BMPR1B: variants seen among roughly 807,000 people sequenced by gnomAD.
BMPR1B encodes the protein bone morphogenetic protein receptor type 1B.
In BMPR1B, 12 loss-of-function variants were observed where a neutral mutation model predicts 59.1. That is an observed-to-expected ratio of 0.20 (90% confidence interval 0.13 to 0.33). The LOEUF is 0.33. BMPR1B is among the 10% of genes least tolerant of loss of function. The pLI, the probability that BMPR1B is intolerant of heterozygous loss-of-function variation, is 1.00. For synonymous variants in BMPR1B, 237 were observed against 207.3 expected (o/e 1.14, Z -1.23); for missense variants, 550 against 610.9 (o/e 0.90, Z 1.05).
At chr4:94,834,683 C>A (rs1272458340) in intron 1 of BMPR1B, among the ~76,000 whole-genome samples, 2 of 150,906 alleles carry the variant, frequency 1.3e-5, no homozygotes, top group Non-Finnish European at 3.0e-5. Flanking sequence ...ACCAATAAAA[C>A]GGTTCACCAG....
intron 2 of BMPR1B, among the ~76,000 whole-genome samples, chr4:94,952,942 C>T (rs1730004143): frequency 1.3e-5 from 2 of 152,288 alleles, no homozygotes; most frequent in South Asian, 4.1e-4. Context: ...TCTGGGTGCT[C>T]CTGTATTGGG....
At chr4:94,819,024 T>C (rs1267857542) in intron 1 of BMPR1B, among the ~76,000 whole-genome samples, 1 of 152,030 alleles carries the variant, frequency 6.6e-6, no homozygotes, top group Admixed American at 6.6e-5. Flanking sequence ...TAGTCCCAGC[T>C]ACTCAGGAGG....
intron 1 of BMPR1B, among the ~76,000 whole-genome samples, chr4:94,783,623 A>G (rs1722661808): frequency 6.6e-6 from 1 of 152,168 alleles, no homozygotes; most frequent in Non-Finnish European, 1.5e-5. Flanking sequence ...TGATTTTTCT[A>G]GCAGGATGCT....
intron 3 of BMPR1B, among the ~76,000 whole-genome samples, chr4:95,056,309 C>T (rs1301306451): frequency 6.6e-6 from 1 of 152,082 alleles, no homozygotes; most frequent in Non-Finnish European, 1.5e-5. Flanking sequence ...TCTATTTTTA[C>T]TCTAGACCTC....
intron 3 of BMPR1B, among the ~76,000 whole-genome samples, chr4:95,017,263 C>A (rs1431699197): frequency 1.3e-5 from 2 of 152,168 alleles, no homozygotes; most frequent in African/African-American, 4.8e-5. Flanking sequence ...AGTTGGAAGG[C>A]CAGGTTCCAG....
intron 2 of BMPR1B, among the ~76,000 whole-genome samples, chr4:94,991,906 C>G (rs930613950): frequency 2.6e-5 from 4 of 152,186 alleles, no homozygotes; most frequent in African/African-American, 9.7e-5. Context: ...GAATACAAAA[C>G]TACTTACTGA....
At chr4:94,815,373 A>G (rs1269778251) in intron 1 of BMPR1B, among the ~76,000 whole-genome samples, 1 of 152,142 alleles carries the variant, frequency 6.6e-6, no homozygotes, top group East Asian at 1.9e-4. Context: ...GTGCTTTTGT[A>G]TACTATTATG....
At chr4:95,056,616 T>A (rs950502737) in intron 3 of BMPR1B, among the ~76,000 whole-genome samples, 1 of 152,152 alleles carries the variant, frequency 6.6e-6, no homozygotes, top group Non-Finnish European at 1.5e-5. Context: ...GCTGTGTGCG[T>A]CTGCTCCCTT....
In BMPR1B at chr4:94,846,037, A is replaced by G. The variant is rs924371526; in HGVS notation, c.-182-29794A>G. 2.0e-5 allele frequency among the ~76,000 whole-genome samples: 3 copies of G among 152,314 alleles called. No homozygotes were observed. In the South Asian group the frequency reaches 6.2e-4, roughly 32 times the overall value. ...TGAGCAAAAAGAACAAAACTGGAGG[A>G]ATCACATTACCTGACTTCAAGTTAT... On this transcript the variant is annotated intron_variant, in intron 1 of 12. Coordinates refer to ENST00000515059, the MANE Select transcript of BMPR1B (RefSeq NM_001203.3).
At chr4:95,049,237 C>T (rs995041720) in intron 3 of BMPR1B, among the ~76,000 whole-genome samples, 3 of 151,772 alleles carry the variant, frequency 2.0e-5, no homozygotes, top group African/African-American at 7.3e-5. Flanking sequence ...TCTTAGCTTC[C>T]CCAATAATTG....
intron 6 of BMPR1B, among the ~76,000 whole-genome samples, chr4:95,123,508 G>A (rs1732677605): frequency 1.3e-5 from 2 of 152,106 alleles, no homozygotes; most frequent in Admixed American, 1.3e-4. Context: ...TATTGTGGGT[G>A]CACAGACCCA....
At chr4:95,042,906 T>C (rs1725758044) in intron 3 of BMPR1B, among the ~76,000 whole-genome samples, 3 of 152,076 alleles carry the variant, frequency 2.0e-5, no homozygotes, top group African/African-American at 7.2e-5. Context: ...CCGGGCGCGG[T>C]GGCTCACGCC....
At chr4:94,832,332 T>G (rs1287590432) in intron 1 of BMPR1B, among the ~76,000 whole-genome samples, 1 of 152,204 alleles carries the variant, frequency 6.6e-6, no homozygotes, top group Non-Finnish European at 1.5e-5. Flanking sequence ...TCAGAACCTA[T>G]TTCTGCCATT....
At chr4:94,963,154 A>G (rs1306611477) in intron 2 of BMPR1B, among the ~76,000 whole-genome samples, 2 of 151,952 alleles carry the variant, frequency 1.3e-5, no homozygotes, top group Non-Finnish European at 2.9e-5. Flanking sequence ...TTTTTTGCCC[A>G]TTTTTAATTG....
Position 94,881,025 on chromosome 4 carries a change from A to G in BMPR1B, c.-113+5125A>G, listed in dbSNP as rs1345692998. The stretch of plus-strand genomic sequence containing the variant: ...TAATTCTGAAGTTTTACCTTGCATA[A>G]TATTGCCATTTTTTATTGTGGCAAA... On this transcript the variant is annotated intron_variant, in intron 2 of 12. Transcript: ENST00000515059. Among the ~76,000 whole-genome samples, 136 of 152,154 alleles carry G rather than the reference A, an allele frequency of 8.9e-4. 1 individual carries two copies. The highest frequency in any genetic ancestry group is 1.5e-4 in the Non-Finnish European group (10 of 68,024).
At chr4:95,139,991 A>T (rs1734103175) in intron 10 of BMPR1B, among the ~76,000 whole-genome samples, 1 of 152,096 alleles carries the variant, frequency 6.6e-6, no homozygotes, top group African/African-American at 2.4e-5. Context: ...GGAAATGCAG[A>T]AATCACTCAT....
intron 1 of BMPR1B, among the ~76,000 whole-genome samples, chr4:94,768,249 C>T (rs1722040177): frequency 6.6e-6 from 1 of 151,986 alleles, no homozygotes; most frequent in African/African-American, 2.4e-5. Context: ...TCTTTGTGAT[C>T]AGCATGGGAT....
intron 10 of BMPR1B, among the ~76,000 whole-genome samples, chr4:95,146,847 G>A (rs938506811): frequency 6.6e-6 from 1 of 152,130 alleles, no homozygotes. Flanking sequence ...AGCTTTTGTA[G>A]CATCTATTCA....
chr4:94,893,859 T>A (rs536754572), intron 2 of BMPR1B, among the ~76,000 whole-genome samples: 1 of 152,086 alleles, frequency 6.6e-6, no homozygotes, highest in South Asian at 2.1e-4. Flanking sequence ...GATAACAACA[T>A]AAAGTGGGCT....
Sources: gnomAD v4.1 joint callset for allele counts (sites outside exome capture counted in the v4.1 genomes callset) on GRCh38, gnomAD v4.1.1 for gene constraint, MANE v1.5 for transcripts, NCBI Gene and HGNC (gene_info 2026-07-23, HGNC 2026-07-21) for gene names.